SHLD1: variants seen among roughly 807,000 people sequenced by gnomAD.
The protein encoded by SHLD1 is RINN1-REV7-interacting novel NHEJ regulator 3.
A neutral mutation model predicts 5.5 loss-of-function variants in SHLD1; 3 were observed. That is an observed-to-expected ratio of 0.54 (90% CI 0.25 to 1.40). The LOEUF is 1.40. Among genes scored for constraint, SHLD1 ranks in the 40% most tolerant of loss-of-function variants. The pLI, the probability that SHLD1 is intolerant of heterozygous loss-of-function variation, is 0.15. For synonymous variants in SHLD1, 92 were observed against 94.3 expected (o/e 0.98, Z 0.14); for missense variants, 210 against 244.4 (o/e 0.86, Z 0.94).
intron 2 of SHLD1, among the ~76,000 whole-genome samples, chr20:5,849,315 A>G (rs559830172): frequency 1.6e-4 from 24 of 152,346 alleles, no homozygotes; most frequent in Middle Eastern, 6.8e-3. Flanking sequence ...CTTGCTGGAC[A>G]GTAACCAAAA....
At chr20:5,798,736 A>G (rs1268845086) in intron 2 of SHLD1, among the ~76,000 whole-genome samples, 2 of 150,434 alleles carry the variant, frequency 1.3e-5, no homozygotes, top group Non-Finnish European at 3.0e-5. Context: ...TCCTGGCTCA[A>G]CCTCCAGAGT....
intron 1 of SHLD1, among the ~76,000 whole-genome samples, chr20:5,767,415 G>T (rs1984901214): frequency 6.6e-6 from 1 of 152,118 alleles, no homozygotes; most frequent in Admixed American, 6.6e-5. Flanking sequence ...TGGGATTACA[G>T]GTATCAGCCA....
intron 2 of SHLD1, among the ~76,000 whole-genome samples, chr20:5,779,191 GACTC>G (rs1419782079): frequency 2.0e-5 from 3 of 149,186 alleles, no homozygotes; most frequent in Admixed American, 2.0e-4. Context: ...AACAGAGTGA[GACTC>G]TGTCTAAAAA....
intron 2 of SHLD1, among the ~76,000 whole-genome samples, chr20:5,848,119 T>A (rs2087953634): frequency 6.6e-6 from 1 of 152,266 alleles, no homozygotes. Context: ...AAACTTTGTA[T>A]TTTGAAAACA....
chr20:5,791,439 A>G (rs964850889), intron 2 of SHLD1, among the ~76,000 whole-genome samples: 3 of 151,410 alleles, frequency 2.0e-5, no homozygotes, highest in African/African-American at 7.3e-5. Context: ...TGGGGCACTC[A>G]TGTAGTCCCA....
chr20:5,841,747 C>A (rs946358737), intron 2 of SHLD1, among the ~76,000 whole-genome samples: 2 of 152,204 alleles, frequency 1.3e-5, no homozygotes, highest in Non-Finnish European at 2.9e-5. Context: ...TAAACAGCTT[C>A]TTTCTCATGA....
chr20:5,846,947 AT>A, intron 2 of SHLD1, among the ~76,000 whole-genome samples: 1 of 152,338 alleles, frequency 6.6e-6, no homozygotes, highest in African/African-American at 2.4e-5. Flanking sequence ...ATTATTAATC[AT>A]TTTTATGCTG....
intron 2 of SHLD1, among the ~76,000 whole-genome samples, chr20:5,846,322 C>A (rs1408457640): frequency 3.3e-5 from 5 of 152,184 alleles, no homozygotes; most frequent in African/African-American, 1.2e-4. Flanking sequence ...TATCAAGCAA[C>A]CCTCTGGTGT....
chr20:5,852,440 CCT>C (rs1325817642), intron 2 of SHLD1, among the ~76,000 whole-genome samples: 6 of 150,244 alleles, frequency 4.0e-5, no homozygotes, highest in African/African-American at 1.5e-4. Context: ...TTCCTTCCTT[CCT>C]TCTCTCTCTC....
intron 2 of SHLD1, among the ~76,000 whole-genome samples, chr20:5,827,847 C>T (rs775157275): frequency 3.3e-5 from 5 of 152,040 alleles, no homozygotes; most frequent in Non-Finnish European, 7.4e-5. Flanking sequence ...ATGCTGTGGT[C>T]TTGCCAGTTA....
chr20:5,807,418 T>C (rs1685319215), intron 2 of SHLD1, among the ~76,000 whole-genome samples: 2 of 151,918 alleles, frequency 1.3e-5, no homozygotes, highest in African/African-American at 4.8e-5. Context: ...GGGATCTTGC[T>C]CTCTTTTGAT....
intron 2 of SHLD1, among the ~76,000 whole-genome samples, chr20:5,800,310 T>C (rs935014480): frequency 1.3e-5 from 2 of 152,260 alleles, no homozygotes; most frequent in Admixed American, 6.5e-5. Context: ...TTTTTTCCTA[T>C]AAAAAACTTT....
intron 2 of SHLD1, among the ~76,000 whole-genome samples, chr20:5,794,196 A>G (rs897601720): frequency 6.6e-6 from 1 of 152,152 alleles, no homozygotes; most frequent in East Asian, 1.9e-4. Flanking sequence ...TAGTTTCCTC[A>G]TCTATAAGAT....
rs546104422 is a variant in SHLD1, at chr20:5,848,816, G to A, written c.179-14208G>A. Among the ~76,000 whole-genome samples the A allele has an allele frequency of 3.9e-5, 6 of 151,910 alleles. No homozygotes were observed. The South Asian group carries it at 6.3e-4, about 16-fold the overall frequency. On this transcript the variant is annotated intron_variant, in intron 2 of 2. Coordinates refer to ENST00000303142, the MANE Select transcript of SHLD1 (RefSeq NM_152504.4). ...TTTCCGGCATTCATTTTATTCCTCC[G>A]TGGTGGCCTCTTAGAGGACCGCGTC...
chr20:5,803,448 C>T (rs2087327295), intron 2 of SHLD1, among the ~76,000 whole-genome samples: 2 of 152,128 alleles, frequency 1.3e-5, no homozygotes, highest in South Asian at 4.1e-4. Flanking sequence ...GGATTATAGG[C>T]ATGAGCCACC....
At chr20:5,813,000 A>G (rs35901268) in intron 2 of SHLD1, among the ~76,000 whole-genome samples, 53,906 of 151,614 alleles carry the variant, frequency 0.36, 11,335 homozygotes, top group Non-Finnish European at 0.47. Flanking sequence ...TCAGCCTCCT[A>G]AGTACCTGGG....
chr20:5,755,867 A>G (rs1984063272), intron 1 of SHLD1, among the ~76,000 whole-genome samples: 1 of 152,112 alleles, frequency 6.6e-6, no homozygotes, highest in South Asian at 2.1e-4. Context: ...CGGGAAAAAC[A>G]TTTTGATAGC....
rs1211886260 is a variant in SHLD1, at chr20:5,795,938, G to A, written c.178+22895G>A. Among the ~76,000 whole-genome samples the A allele has an allele frequency of 4.0e-5, 6 of 151,758 alleles. No homozygotes were observed. In the East Asian group the frequency reaches 5.8e-4, roughly 15 times the overall value. On this transcript the variant is annotated intron_variant, in intron 2 of 2. Coordinates refer to ENST00000303142, the MANE Select transcript of SHLD1 (RefSeq NM_152504.4). ...ACCCGGGAGGCAGAGCTTGCAGTGA[G>A]CCGAGATCGCACCACTGCACTCCAG...
intron 2 of SHLD1, among the ~76,000 whole-genome samples, chr20:5,861,850 G>A (rs2088166793): frequency 6.6e-6 from 1 of 152,188 alleles, no homozygotes; most frequent in Non-Finnish European, 1.5e-5. Context: ...CGTAGGGGCA[G>A]GGAAATGTCA....
Sources: allele counts gnomAD v4.1 joint callset (sites outside exome capture counted in the v4.1 genomes callset), GRCh38; gene constraint gnomAD v4.1.1; transcripts MANE v1.5; gene names NCBI Gene and HGNC (gene_info 2026-07-23, HGNC 2026-07-21).